Variants in BRD4 observed in about 807,000 individuals in gnomAD.
BRD4 encodes bromodomain-containing protein 4.
A neutral mutation model predicts 142.1 loss-of-function variants in BRD4; 16 were observed. The observed-to-expected ratio is 0.11, with a 90% CI of 0.08 to 0.17. The LOEUF is 0.17. BRD4 is among the 10% of genes least tolerant of loss of function. BRD4 has a pLI of 1.00. For missense variants in BRD4, 1,424 were observed against 1,810.9 expected (o/e 0.79, Z 3.88); for synonymous variants, 833 against 707.5 (o/e 1.18, Z -2.82).
At chr19:15,296,584 A>T (rs910885047) in intron 1 of BRD4, among the ~76,000 whole-genome samples, 1 of 152,180 alleles carries the variant, frequency 6.6e-6, no homozygotes, top group Non-Finnish European at 1.5e-5. Context: ...GTGTCTTTAG[A>T]GAGCAGTGGC....
intron 1 of BRD4, among the ~76,000 whole-genome samples, chr19:15,285,757 TC>T (rs1341236100): frequency 2.6e-5 from 4 of 151,786 alleles, no homozygotes; most frequent in African/African-American, 9.7e-5. Context: ...TTTTCCCAAC[TC>T]CCTGAAATAC....
chr19:15,258,051 A>G (rs2145579360), intron 7 of BRD4, among the ~76,000 whole-genome samples: 1 of 152,344 alleles, frequency 6.6e-6, no homozygotes, highest in African/African-American at 2.4e-5. Flanking sequence ...GGCTCAAGAC[A>G]GAGGCAGAAG....
At chr19:15,308,564 G>C (rs1041407300) in intron 1 of BRD4, among the ~76,000 whole-genome samples, 10 of 151,330 alleles carry the variant, frequency 6.6e-5, no homozygotes, top group African/African-American at 2.2e-4. Context: ...TCCCGCCTGG[G>C]CAACAGAGCG....
chr19:15,304,753 C>A (rs2047899275), intron 1 of BRD4, among the ~76,000 whole-genome samples: 1 of 152,112 alleles, frequency 6.6e-6, no homozygotes, highest in African/African-American at 2.4e-5. Context: ...CTCACAAGAA[C>A]CTCGCACAGG....
At chr19:15,317,439 A>G (rs933005563) in intron 1 of BRD4, among the ~76,000 whole-genome samples, 1 of 152,234 alleles carries the variant, frequency 6.6e-6, no homozygotes, top group Admixed American at 6.5e-5. Flanking sequence ...ACAGGCATGC[A>G]GTAAGCAATA....
chr19:15,303,412 G>C (rs552308078), intron 1 of BRD4, among the ~76,000 whole-genome samples: 1 of 151,752 alleles, frequency 6.6e-6, no homozygotes, highest in African/African-American at 2.4e-5. Context: ...GGGATGGGGC[G>C]GGGGGAGAAG....
chr19:15,243,483 C>A lies in BRD4; in HGVS notation c.2586G>T (p.Leu862Phe). 4 of 1,559,144 alleles carry A rather than the reference C, an allele frequency of 2.6e-6. No homozygotes were observed. The highest frequency in any genetic ancestry group is 3.5e-6 in the Non-Finnish European group (4 of 1,156,500). ...ATGGCTGCTGGGGTAGTGCGTTGTG[C>A]AAAGCTGGAAGAACACAACACCGAG... ...NQHAVVSPPA[L>F]HNALPQQPSR... Residue 862 changes from leucine (L) to phenylalanine (F), a missense_variant, in exon 14 of 20, where the codon TTG becomes TTT. Leu to Phe is a conservative substitution (Grantham distance 22). This residue lies in a region of BRD4 where 598 missense variants were observed against 647.8 expected (regional missense o/e 0.92). Transcript: ENST00000679869.
chr19:15,235,693 C>T lies in BRD4; in HGVS notation c.*2684G>A, dbSNP rs1354612395. 1 of 152,160 alleles carries T rather than the reference C, an allele frequency of 6.6e-6. No individual in the cohort carries two copies. Among genetic ancestry groups the T allele is most frequent in the Non-Finnish European group, 1.5e-5 (1 of 68,040 alleles). The allele number at this position is 152,160 out of a possible 1,614,324, so 9.4% of individuals were successfully genotyped here. A position where few individuals can be genotyped will look rare whatever the true frequency, so the allele number is the denominator to read the frequency against. On this transcript the variant is annotated 3_prime_UTR_variant, in exon 20 of 20. Coordinates refer to ENST00000679869, the MANE Select transcript of BRD4 (RefSeq NM_001379291.1). ...TTATTGGCCAAGCGATCCGTGCATA[C>T]AGTACAGTGGGGGCTTGTACACACC...
intron 1 of BRD4, among the ~76,000 whole-genome samples, chr19:15,327,049 T>G (rs569758343): frequency 6.6e-6 from 1 of 152,186 alleles, no homozygotes; most frequent in Non-Finnish European, 1.5e-5. Flanking sequence ...CATGTCAACA[T>G]GCTGATATCC....
At chr19:15,270,915 C>T (rs2047580325) in intron 2 of BRD4, among the ~76,000 whole-genome samples, 1 of 152,132 alleles carries the variant, frequency 6.6e-6, no homozygotes, top group Non-Finnish European at 1.5e-5. Context: ...AGATCAGGGC[C>T]ACCATGGATC....
chr19:15,280,311 C>T (rs1599483934), intron 1 of BRD4: 1 of 1,012,024 alleles, frequency 9.9e-7, no homozygotes, highest in Non-Finnish European at 1.2e-6. Context: ...AGTCATCCTA[C>T]ACGGGTCTTT....
At chr19:15,293,230 G>A (rs530736979) in intron 1 of BRD4, among the ~76,000 whole-genome samples, 15 of 152,152 alleles carry the variant, frequency 9.9e-5, no homozygotes, top group Non-Finnish European at 1.9e-4. Context: ...ATACAGTTTC[G>A]CTTGTTAAAG....
chr19:15,325,993 G>A (rs761434439), intron 1 of BRD4, among the ~76,000 whole-genome samples: 30 of 83,630 alleles, frequency 3.6e-4, no homozygotes, highest in Non-Finnish European at 5.0e-4. Flanking sequence ...GCAAGACTCC[G>A]TCTCAAAAAA....
intron 11 of BRD4, among the ~76,000 whole-genome samples, chr19:15,251,992 G>A (rs2047352806): frequency 6.6e-6 from 1 of 152,212 alleles, no homozygotes; most frequent in South Asian, 2.1e-4. Flanking sequence ...TGTAAATCTC[G>A]CCCTCCTTCC....
chr19:15,261,489 A>C (rs2047470844), intron 7 of BRD4, among the ~76,000 whole-genome samples: 1 of 151,888 alleles, frequency 6.6e-6, no homozygotes, highest in Non-Finnish European at 1.5e-5. Context: ...CTCAAAAAAA[A>C]AAGAAAGAAA....
At chr19:15,289,677 G>GAA (rs1188740404) in intron 1 of BRD4, among the ~76,000 whole-genome samples, 1 of 142,260 alleles carries the variant, frequency 7.0e-6, no homozygotes, top group African/African-American at 2.6e-5. Context: ...AAAAAAAAAA[G>GAA]AAAAAAAAAA....
chr19:15,302,902 A>T (rs1039879082), intron 1 of BRD4, among the ~76,000 whole-genome samples: 3 of 144,334 alleles, frequency 2.1e-5, no homozygotes, highest in Non-Finnish European at 4.5e-5. Flanking sequence ...CAGCTACTTG[A>T]GAGGCCGAGG....
chr19:15,273,070 T>C lies in BRD4; in HGVS notation c.30A>G (p.Arg10=). 3 of 1,607,718 alleles carry C rather than the reference T, an allele frequency of 1.9e-6. No homozygotes were observed. Among genetic ancestry groups the C allele is most frequent in the Non-Finnish European group, 2.6e-6 (3 of 1,175,956 alleles). Residue 10 remains arginine, a synonymous_variant, in exon 2 of 20, where the codon AGA becomes AGG. Coordinates refer to ENST00000679869, the MANE Select transcript of BRD4 (RefSeq NM_001379291.1). The stretch of plus-strand genomic sequence containing the variant: ...CCCCCATTACTGGCAGATTTCTCAA[T>C]CTCGTCCCAGGGCCGCTCTCCGCAG... MSAESGPGT[R]LRNLPVMGDG...
chr19:15,263,949 G>A (rs935701019), intron 6 of BRD4, among the ~76,000 whole-genome samples: 4 of 152,218 alleles, frequency 2.6e-5, no homozygotes, highest in Non-Finnish European at 4.4e-5. Context: ...GAAGAAACAC[G>A]TAACAAGTCT....
Sources: gnomAD v4.1 joint callset for allele counts (sites outside exome capture counted in the v4.1 genomes callset) on GRCh38, gnomAD v4.1.1 for gene constraint, gnomAD v4.1.1 regional missense constraint, MANE v1.5 for transcripts, NCBI Gene and HGNC (gene_info 2026-07-23, HGNC 2026-07-21) for gene names.